The following SCAND3 variants were observed in gnomAD, a reference collection of about 807,000 sequenced individuals.
The protein encoded by SCAND3 is SCAN domain containing 3, also known as SCAN domain-containing protein 3.
the SCAND3 span, chr6:28,585,130 T>C: frequency 6.6e-6 from 1 of 152,244 alleles, no homozygotes; most frequent in African/African-American, 2.4e-5. Flanking sequence ...TGTACATACA[T>C]TTACTCCTTT....
the SCAND3 span, chr6:28,579,392 C>G: frequency 1.9e-6 from 3 of 1,613,954 alleles, no homozygotes; most frequent in Non-Finnish European, 2.5e-6. The surrounding 1 kb of genome is among the most constrained non-coding windows in gnomAD (Gnocchi z 4.5). Context: ...TCCATAGAAA[C>G]TTCCTGCCCA....
chr6:28,573,897 A>T, the SCAND3 span: 2 of 1,405,294 alleles, frequency 1.4e-6, no homozygotes, highest in South Asian at 3.3e-5. Flanking sequence ...GTTATACCAC[A>T]AGTTAAAAAC....
At chr6:28,604,301 A>G in the SCAND3 span, among the ~76,000 whole-genome samples, 1 of 152,294 alleles carries the variant, frequency 6.6e-6, no homozygotes, top group South Asian at 2.1e-4. Context: ...CCCCAGCTGT[A>G]GCTAATATGC....
the SCAND3 span, among the ~76,000 whole-genome samples, chr6:28,606,799 A>G: frequency 6.6e-6 from 1 of 152,168 alleles, no homozygotes; most frequent in African/African-American, 2.4e-5. Flanking sequence ...GGGCCCGGGG[A>G]CTGGAACTCG....
the SCAND3 span, among the ~76,000 whole-genome samples, chr6:28,578,864 A>G: frequency 3.3e-5 from 5 of 152,310 alleles, no homozygotes; most frequent in East Asian, 9.6e-4. Flanking sequence ...ATAAACATAG[A>G]CTTCAGAAAT....
At chr6:28,613,610 C>A in the SCAND3 span, among the ~76,000 whole-genome samples, 6 of 152,114 alleles carry the variant, frequency 3.9e-5, no homozygotes, top group African/African-American at 9.7e-5. Flanking sequence ...GATGGTTGAA[C>A]AAATTAGTAT....
chr6:28,602,639 A>G, the SCAND3 span, among the ~76,000 whole-genome samples: 16,086 of 152,258 alleles, frequency 0.11, 1,158 homozygotes, highest in East Asian at 0.35. Flanking sequence ...TCATATGTGT[A>G]TTAGTCTAGT....
chr6:28,604,444 C>T, the SCAND3 span, among the ~76,000 whole-genome samples: 1 of 151,750 alleles, frequency 6.6e-6, no homozygotes, highest in Admixed American at 6.6e-5. Flanking sequence ...AGGTGAAACC[C>T]GTCTCTATTA....
the SCAND3 span, among the ~76,000 whole-genome samples, chr6:28,601,251 G>A: frequency 6.6e-6 from 1 of 152,092 alleles, no homozygotes; most frequent in African/African-American, 2.4e-5. Flanking sequence ...GACATATACT[G>A]AAGTATTTAA....
chr6:28,595,750 TC>T, the SCAND3 span, among the ~76,000 whole-genome samples: 6 of 151,632 alleles, frequency 4.0e-5, no homozygotes, highest in African/African-American at 1.5e-4. Flanking sequence ...AAAAGAAAAT[TC>T]TAGATGAATG....
chr6:28,579,553 A>C, the SCAND3 span: 1 of 821,204 alleles, frequency 1.2e-6, no homozygotes. The surrounding 1 kb of genome is among the most constrained non-coding windows in gnomAD (Gnocchi z 4.5). Context: ...ACAAGATAAA[A>C]CATGAAGAGA....
chr6:28,606,329 C>G, the SCAND3 span, among the ~76,000 whole-genome samples: 1 of 151,964 alleles, frequency 6.6e-6, no homozygotes, highest in Non-Finnish European at 1.5e-5. Flanking sequence ...ACGGAGGTGC[C>G]TCAGAAGTCA....
the SCAND3 span, among the ~76,000 whole-genome samples, chr6:28,610,241 G>A: frequency 6.6e-6 from 1 of 152,014 alleles, no homozygotes; most frequent in Non-Finnish European, 1.5e-5. Flanking sequence ...AACACAAGAG[G>A]CCAAGCATGG....
At chr6:28,601,306 T>C in the SCAND3 span, among the ~76,000 whole-genome samples, 1 of 152,180 alleles carries the variant, frequency 6.6e-6, no homozygotes, top group Non-Finnish European at 1.5e-5. Context: ...AATACTTCAG[T>C]GGAGAAAAGG....
chr6:28,611,036 T>C, the SCAND3 span, among the ~76,000 whole-genome samples: 10 of 152,210 alleles, frequency 6.6e-5, no homozygotes, highest in African/African-American at 2.4e-4. Context: ...CAAGAAGATA[T>C]GTTTCCTTTT....
At chr6:28,580,163 C>T in the SCAND3 span, among the ~76,000 whole-genome samples, 9 of 149,984 alleles carry the variant, frequency 6.0e-5, no homozygotes, top group South Asian at 2.1e-4. Context: ...TTATTCTTGC[C>T]GGGCATGGTG....
the SCAND3 span, chr6:28,573,951 AAAAT>A: frequency 8.3e-7 from 1 of 1,202,782 alleles, no homozygotes; most frequent in Non-Finnish European, 1.1e-6. Context: ...TTAAGTTATA[AAAAT>A]AAATAAATGC....
the SCAND3 span, chr6:28,585,302 C>CT: frequency 6.6e-6 from 1 of 152,180 alleles, no homozygotes; most frequent in Non-Finnish European, 1.5e-5. Context: ...CTGCTTGCTC[C>CT]TTTTCTGGAA....
chr6:28,574,027 T>C, the SCAND3 span, among the ~76,000 whole-genome samples: 1 of 152,140 alleles, frequency 6.6e-6, no homozygotes, highest in African/African-American at 2.4e-5. Context: ...ACATAAAGTA[T>C]CACAGGTTGT....
Sources: allele counts gnomAD v4.1 joint callset (sites outside exome capture counted in the v4.1 genomes callset), GRCh38; gene constraint gnomAD v4.1.1; non-coding constraint Gnocchi (gnomAD v3.1); transcripts MANE v1.5; gene names NCBI Gene and HGNC (gene_info 2026-07-23, HGNC 2026-07-21).